Variants in SUSD1 observed in about 807,000 individuals in gnomAD.
SUSD1 encodes sushi domain-containing protein 1.
A neutral mutation model predicts 86.9 loss-of-function variants in SUSD1; 65 were observed. That is an observed-to-expected ratio of 0.75 (90% CI 0.61 to 0.92). SUSD1 has a LOEUF of 0.92. Among genes scored for constraint, SUSD1 ranks in the 40% least tolerant of loss-of-function variants. The probability of loss-of-function intolerance (pLI) is 0.00; values close to 1 mark genes in which losing one functional copy is unlikely to be tolerated. For synonymous variants in SUSD1, 346 were observed against 350.0 expected, an observed-to-expected ratio of 0.99 and a Z score of 0.13; for missense variants, 850 against 929.7, an observed-to-expected ratio of 0.91 and a Z score of 1.11.
At chr9:112,106,063 C>G (rs1830826262) in intron 8 of SUSD1, among the ~76,000 whole-genome samples, 1 of 152,154 alleles carries the variant, frequency 6.6e-6, no homozygotes, top group East Asian at 1.9e-4. Context: ...GATCTTGGCT[C>G]ACTGCAAGCT....
At chr9:112,061,169 A>C (rs1262743962) in intron 13 of SUSD1, among the ~76,000 whole-genome samples, 2 of 152,184 alleles carry the variant, frequency 1.3e-5, no homozygotes. Context: ...TCCTCTGCCT[A>C]ACATCAGCAA....
chr9:112,056,415 C>T (rs981854370), intron 14 of SUSD1, among the ~76,000 whole-genome samples: 2 of 152,072 alleles, frequency 1.3e-5, no homozygotes, highest in African/African-American at 2.4e-5. Context: ...GAACTTAATG[C>T]CACTGAACTA....
At chr9:112,130,868 A>G (rs1229877968) in intron 5 of SUSD1, among the ~76,000 whole-genome samples, 1 of 149,488 alleles carries the variant, frequency 6.7e-6, no homozygotes, top group Non-Finnish European at 1.5e-5. Flanking sequence ...AAAAAAATAC[A>G]ATAACTAGCC....
At chr9:112,146,526 A>G (rs1225462508) in intron 3 of SUSD1, among the ~76,000 whole-genome samples, 3 of 151,874 alleles carry the variant, frequency 2.0e-5, no homozygotes, top group Non-Finnish European at 1.5e-5. Context: ...GCTGACACCT[A>G]TTTGGCCCTT....
intron 2 of SUSD1, among the ~76,000 whole-genome samples, chr9:112,151,731 G>T (rs1295396595): frequency 6.6e-6 from 1 of 151,080 alleles, no homozygotes; most frequent in African/African-American, 2.4e-5. Context: ...GTGAAACCCC[G>T]TCTCTACTAA....
chr9:112,165,107 C>A (rs1266098044), intron 1 of SUSD1, among the ~76,000 whole-genome samples: 1 of 152,172 alleles, frequency 6.6e-6, no homozygotes, highest in Non-Finnish European at 1.5e-5. Context: ...GGATAAAGAG[C>A]CCCCCGAAAG....
At chr9:112,105,942 C>A (rs1589663169) in intron 8 of SUSD1, among the ~76,000 whole-genome samples, 1 of 152,120 alleles carries the variant, frequency 6.6e-6, no homozygotes, top group Non-Finnish European at 1.5e-5. Context: ...GCTAAAGAAG[C>A]CTTCATGATA....
intron 2 of SUSD1, among the ~76,000 whole-genome samples, chr9:112,152,003 C>T (rs1833069273): frequency 6.6e-6 from 1 of 151,582 alleles, no homozygotes; most frequent in South Asian, 2.1e-4. Flanking sequence ...CATTGCACTC[C>T]AGCCTGGGCA....
chr9:112,143,159 T>A (rs892161999), intron 4 of SUSD1, among the ~76,000 whole-genome samples: 12 of 151,408 alleles, frequency 7.9e-5, no homozygotes, highest in African/African-American at 2.9e-4. Context: ...TATTTTTTTT[T>A]ATTTTTAGTA....
chr9:112,078,705 C>A lies in SUSD1; in HGVS notation c.1586G>T (p.Arg529Ile). The A allele has an allele frequency of 6.2e-7, 1 of 1,613,030 alleles. No individual in the cohort carries two copies. The highest frequency in any genetic ancestry group is 8.5e-7 in the Non-Finnish European group (1 of 1,179,204). ...CTGGGCAAATTCCTTCTGATACCAT[C>A]TCTGGCCCCAAATGTGGAACTGAAA... is the stretch of plus-strand genomic sequence containing the variant. ...EMYLFHIWGQ[R>I]WYQKEFAQEM... Residue 529 changes from arginine to isoleucine, a missense_variant, in exon 12 of 17, where the codon AGA becomes ATA. By Grantham distance (97) the Arg-to-Ile change is moderately conservative. Coordinates refer to ENST00000374270, the MANE Select transcript of SUSD1 (RefSeq NM_022486.5).
intron 1 of SUSD1, among the ~76,000 whole-genome samples, chr9:112,174,928 GC>G (rs754820252): frequency 2.8e-4 from 42 of 151,544 alleles, no homozygotes; most frequent in African/African-American, 8.0e-4. Context: ...TCGGGCGGGG[GC>G]AGGGAAGCCC....
intron 10 of SUSD1, among the ~76,000 whole-genome samples, chr9:112,085,081 T>G (rs1446371836): frequency 6.6e-6 from 1 of 152,152 alleles, no homozygotes; most frequent in Non-Finnish European, 1.5e-5. Context: ...CTTCTTAATC[T>G]TTGCACTCTC....
At chr9:112,089,176 C>T (rs1830101942) in intron 10 of SUSD1, among the ~76,000 whole-genome samples, 1 of 152,036 alleles carries the variant, frequency 6.6e-6, no homozygotes, top group Admixed American at 6.5e-5. Flanking sequence ...AATGAGAAAA[C>T]AGAAGAGAGG....
chr9:112,160,980 C>A (rs959847739), intron 1 of SUSD1, among the ~76,000 whole-genome samples: 3 of 152,216 alleles, frequency 2.0e-5, no homozygotes, highest in Non-Finnish European at 4.4e-5. Flanking sequence ...AGTCCCCATA[C>A]CTAAATGTCC....
chr9:112,115,549 G>A (rs778536712), intron 6 of SUSD1, among the ~76,000 whole-genome samples: 41 of 152,152 alleles, frequency 2.7e-4, no homozygotes, highest in Non-Finnish European at 5.3e-4. Flanking sequence ...GCTCACGCCT[G>A]TAATCCTAGC....
At chr9:112,052,488 A>T (rs1489724182) in intron 14 of SUSD1, 50 bp from the exon 15 acceptor site, 1 of 1,607,170 alleles carries the variant, frequency 6.2e-7, no homozygotes, top group Non-Finnish European at 8.5e-7. Context: ...ACACAGTGTC[A>T]GTTTAAATAT....
chr9:112,139,149 T>C (rs1306021519), intron 5 of SUSD1, among the ~76,000 whole-genome samples: 1 of 152,142 alleles, frequency 6.6e-6, no homozygotes, highest in Non-Finnish European at 1.5e-5. Flanking sequence ...ATAGGTGAAA[T>C]CTCCCAAATC....
At chr9:112,056,391 A>G (rs1372518159) in intron 14 of SUSD1, among the ~76,000 whole-genome samples, 1 of 152,268 alleles carries the variant, frequency 6.6e-6, no homozygotes. Context: ...CGCTGGTTGC[A>G]CAACAATGTG....
In SUSD1 at chr9:112,079,604, C is replaced by CT. The variant is rs34242117; in HGVS notation, c.1566+469dup. ...GAAGTTCATCCCAGTCTTCCCCCTC[C>CT]TTTTTTTTTTTTTTTCGAGACAAAG... On this transcript the variant is annotated intron_variant, in intron 11 of 16. Transcript: ENST00000374270. Among the ~76,000 whole-genome samples the CT allele has an allele frequency of 2.3e-3, 318 of 139,504 alleles. 1 individual carries two copies. The highest frequency in any genetic ancestry group is 4.7e-3 in the African/African-American group (175 of 37,592). 91.5% of individuals were successfully genotyped at this position (139,504 alleles called of 152,430 possible). A position where few individuals can be genotyped will look rare whatever the true frequency, so the allele number is the denominator to read the frequency against.
Sources: gnomAD v4.1 joint callset for allele counts (sites outside exome capture counted in the v4.1 genomes callset) on GRCh38, gnomAD v4.1.1 for gene constraint, MANE v1.5 for transcripts, NCBI Gene and HGNC (gene_info 2026-07-23, HGNC 2026-07-21) for gene names.